Variants in GPC6 observed in about 807,000 individuals in gnomAD.
The protein encoded by GPC6 is glypican 6.
Under a neutral mutation model 55.2 loss-of-function variants are expected in GPC6, and 14 were observed. The ratio of observed to expected loss-of-function variants is 0.25; its 90% CI spans 0.17 to 0.40. The LOEUF (loss-of-function observed/expected upper bound fraction) is 0.40. Among genes scored for constraint, GPC6 ranks in the 10% least tolerant of loss-of-function variants. GPC6 has a pLI of 1.00. For missense variants in GPC6, 641 were observed against 708.5 expected, an observed-to-expected ratio of 0.90 and a Z score of 1.08; for synonymous variants, 278 against 259.6, an observed-to-expected ratio of 1.07 and a Z score of -0.68.
chr13:93,231,369 ATATATATATACATATATATATATATATG>A (rs1566533433), intron 1 of GPC6, among the ~76,000 whole-genome samples: 8 of 17,888 alleles, frequency 4.5e-4, no homozygotes, highest in Non-Finnish European at 6.7e-4. Context: ...ACGTATATAT[ATATATATATACATATATATATATATATG>A]TATATATATA....
At chr13:93,959,825 A>T (rs1243669146) in intron 3 of GPC6, among the ~76,000 whole-genome samples, 1 of 152,174 alleles carries the variant, frequency 6.6e-6, no homozygotes, top group Non-Finnish European at 1.5e-5. Context: ...TTATTTTAGA[A>T]ATGACGAAAC....
intron 3 of GPC6, among the ~76,000 whole-genome samples, chr13:94,017,251 G>GT (rs1566292125): frequency 6.6e-6 from 1 of 152,084 alleles, no homozygotes. Flanking sequence ...GCTCCAGAAG[G>GT]TTTTTTTATG....
At chr13:94,092,668 T>A (rs1885531898) in intron 4 of GPC6, among the ~76,000 whole-genome samples, 1 of 152,134 alleles carries the variant, frequency 6.6e-6, no homozygotes, top group Non-Finnish European at 1.5e-5. Context: ...TGCTAAACCA[T>A]ATGGTAGTTC....
chr13:93,960,042 A>G (rs943546124), intron 3 of GPC6, among the ~76,000 whole-genome samples: 1 of 152,168 alleles, frequency 6.6e-6, no homozygotes, highest in Non-Finnish European at 1.5e-5. Context: ...GTTTCTCTGT[A>G]GACTCCACAT....
At chr13:93,689,355 A>G (rs1882167171) in intron 2 of GPC6, among the ~76,000 whole-genome samples, 1 of 152,124 alleles carries the variant, frequency 6.6e-6, no homozygotes, top group African/African-American at 2.4e-5. Context: ...AGTCTGTTTG[A>G]AAATACAGAT....
At chr13:93,843,637 C>T (rs1050767715) in intron 3 of GPC6, among the ~76,000 whole-genome samples, 11 of 152,168 alleles carry the variant, frequency 7.2e-5, no homozygotes, top group East Asian at 1.9e-4. Context: ...TTAAATTGGG[C>T]GGATTGACAT....
At chr13:93,411,691 C>T (rs1594151114) in intron 1 of GPC6, among the ~76,000 whole-genome samples, 1 of 152,222 alleles carries the variant, frequency 6.6e-6, no homozygotes, top group Middle Eastern at 3.4e-3. Context: ...AGGTTCTATA[C>T]ACCAATGTTA....
chr13:93,636,625 T>C (rs1378978376), intron 2 of GPC6, among the ~76,000 whole-genome samples: 2 of 152,170 alleles, frequency 1.3e-5, no homozygotes, highest in African/African-American at 4.8e-5. Context: ...GCTCTCTTGT[T>C]CTTTCTGTCT....
At chr13:93,473,171 G>T (rs370628066) in intron 1 of GPC6, among the ~76,000 whole-genome samples, 1 of 152,164 alleles carries the variant, frequency 6.6e-6, no homozygotes, top group African/African-American at 2.4e-5. Flanking sequence ...GCCTCACCAG[G>T]GACCTGCCCC....
intron 2 of GPC6, among the ~76,000 whole-genome samples, chr13:93,770,784 A>G (rs1322716401): frequency 1.3e-5 from 2 of 152,128 alleles, no homozygotes; most frequent in Non-Finnish European, 2.9e-5. Context: ...CTTAAGGCTA[A>G]TATTAGACCA....
At chr13:94,136,895 C>G (rs1391017559) in intron 4 of GPC6, among the ~76,000 whole-genome samples, 1 of 152,050 alleles carries the variant, frequency 6.6e-6, no homozygotes, top group Non-Finnish European at 1.5e-5. Context: ...TTAACAGATT[C>G]AAGGCAAGAA....
intron 1 of GPC6, among the ~76,000 whole-genome samples, chr13:93,305,130 A>T (rs1277319217): frequency 2.0e-5 from 3 of 152,168 alleles, no homozygotes; most frequent in Admixed American, 6.5e-5. Context: ...CCCATCAGAC[A>T]CACCTGGGGT....
intron 1 of GPC6, among the ~76,000 whole-genome samples, chr13:93,533,395 A>G (rs1406117625): frequency 1.3e-5 from 2 of 152,220 alleles, no homozygotes; most frequent in Non-Finnish European, 2.9e-5. Context: ...ATTCCTTAAC[A>G]TCCTTGGCAC....
At chr13:93,902,933 TA>T (rs1876439848) in intron 3 of GPC6, among the ~76,000 whole-genome samples, 1 of 152,154 alleles carries the variant, frequency 6.6e-6, no homozygotes, top group South Asian at 2.1e-4. Flanking sequence ...TCCATGCACT[TA>T]TAGCCTACTG....
chr13:93,741,117 CTTTTTTTT>C (rs772541106), intron 2 of GPC6, among the ~76,000 whole-genome samples: 4 of 77,184 alleles, frequency 5.2e-5, no homozygotes, highest in Non-Finnish European at 9.3e-5. Flanking sequence ...CATCCAGAAT[CTTTTTTTT>C]TTTTTTTTTT....
intron 7 of GPC6, among the ~76,000 whole-genome samples, chr13:94,394,577 A>G (rs1184865226): frequency 6.6e-6 from 1 of 152,190 alleles, no homozygotes; most frequent in Non-Finnish European, 1.5e-5. Context: ...GGGAAGAAAT[A>G]AATGGGCTCA....
intron 2 of GPC6, among the ~76,000 whole-genome samples, chr13:93,684,069 G>A (rs942835021): frequency 5.3e-5 from 8 of 152,066 alleles, no homozygotes; most frequent in East Asian, 1.9e-4. Flanking sequence ...TCCTAACACC[G>A]TCACACAGGG....
intron 1 of GPC6, among the ~76,000 whole-genome samples, chr13:93,230,616 A>G (rs935375964): frequency 6.6e-6 from 1 of 152,154 alleles, no homozygotes; most frequent in African/African-American, 2.4e-5. Flanking sequence ...CCTTCACAAT[A>G]TGCTTGCTTA....
Position 94,403,349 on chromosome 13 carries a change from C to T in GPC6, c.*132C>T, listed in dbSNP as rs1057286910. ...TTTCTATGAGAAGAGAGCAGTAATGCAATCTGCCTCCCTTTTTGTTTTCCC... is the reference window on the plus strand; with the variant it reads ...TTTCTATGAGAAGAGAGCAGTAATGTAATCTGCCTCCCTTTTTGTTTTCCC... On this transcript the variant is annotated 3_prime_UTR_variant, in exon 9 of 9. Transcript: ENST00000377047. 2 of 728,410 alleles carry T rather than the reference C, an allele frequency of 2.7e-6. No individual in the cohort carries two copies. The highest frequency in any genetic ancestry group is 3.5e-5 in the African/African-American group (2 of 57,704). 45.1% of individuals were successfully genotyped at this position (728,410 alleles called of 1,614,324 possible).
Sources: gnomAD v4.1 joint callset for allele counts (sites outside exome capture counted in the v4.1 genomes callset) on GRCh38, gnomAD v4.1.1 for gene constraint, MANE v1.5 for transcripts, NCBI Gene and HGNC (gene_info 2026-07-23, HGNC 2026-07-21) for gene names.